HNRNPL: variants seen among roughly 807,000 people sequenced by gnomAD.
HNRNPL encodes the protein heterogeneous nuclear ribonucleoprotein L, also known as epididymis secretory sperm binding protein.
In HNRNPL, 12 loss-of-function variants were observed where a neutral mutation model predicts 64.0. The ratio of observed to expected loss-of-function variants is 0.19; its 90% confidence interval spans 0.12 to 0.30. HNRNPL has a LOEUF of 0.30. HNRNPL is among the 10% of genes least tolerant of loss of function. The probability of loss-of-function intolerance (pLI) is 1.00; values close to 1 mark genes in which losing one functional copy is unlikely to be tolerated. For synonymous variants in HNRNPL, 385 were observed against 313.0 expected, an observed-to-expected ratio of 1.23 and a Z score of -2.43; for missense variants, 484 against 797.4, an observed-to-expected ratio of 0.61 and a Z score of 4.73.
At chr19:38,850,235 G>A, upstream of HNRNPL, 3 of 385,286 alleles carry the variant, frequency 7.8e-6, no homozygotes, top group Non-Finnish European at 1.4e-5. Flanking sequence ...TTGATAGGTC[G>A]GATTTCTGGC....
At chr19:38,840,785 C>T in intron 6 of HNRNPL, 1 of 556,480 alleles carries the variant, frequency 1.8e-6, no homozygotes, top group East Asian at 3.2e-5. Flanking sequence ...AAGGGCTGGC[C>T]TTGTTCTGTG....
chr19:38,837,791 G>GCATC (rs1971978791), intron 10 of HNRNPL, 140 bp from the exon 11 acceptor site: 1 of 676,342 alleles, frequency 1.5e-6, no homozygotes, highest in Admixed American at 2.7e-5. Context: ...ATACCCTAAG[G>GCATC]CATCCCTGTG....
At chr19:38,840,020 C>CA in intron 8 of HNRNPL, 76 bp downstream of exon 8, 2 of 1,411,682 alleles carry the variant, frequency 1.4e-6, no homozygotes, top group Non-Finnish European at 2.0e-6. Flanking sequence ...ACCAGGCTCC[C>CA]CCCTGGTTCT....
intron 9 of HNRNPL, 118 bp downstream of exon 9, chr19:38,838,776 C>T: frequency 7.0e-7 from 1 of 1,428,018 alleles, no homozygotes. Flanking sequence ...ACACACCTGC[C>T]ACATCCCATT....
Position 38,845,741 on chromosome 19 carries a change from A to G in HNRNPL, c.625-6T>C. 1 of 1,613,482 alleles carries G rather than the reference A, an allele frequency of 6.2e-7. No homozygotes were observed. Among genetic ancestry groups the G allele is most frequent in the Non-Finnish European group, 8.5e-7 (1 of 1,179,362 alleles). On this transcript the variant is annotated splice_polypyrimidine_tract_variant and splice_region_variant and intron_variant, in intron 3 of 12. Transcript: ENST00000221419. Reference sequence around the variant, plus strand: ...CAGATAGTGTAAAGAACATCCTGCAAAAGCAAACACAGGCAAGATGAAGGG... The same window carrying G: ...CAGATAGTGTAAAGAACATCCTGCAGAAGCAAACACAGGCAAGATGAAGGG...
Position 38,849,786 on chromosome 19 carries a change from G to A in HNRNPL, c.181C>T (p.Leu61Phe), listed in dbSNP as rs781235992. The A allele has an allele frequency of 2.1e-6, 3 of 1,407,954 alleles. No homozygotes were observed. Among genetic ancestry groups the A allele is most frequent in the South Asian group, 1.3e-5 (1 of 77,700 alleles). 87.2% of individuals were successfully genotyped at this position (1,407,954 alleles called of 1,614,324 possible). A position where few individuals can be genotyped will look rare whatever the true frequency, so the allele number is the denominator to read the frequency against. ...TGGTCGCCGGCGTTGTCAGTCTTGA[G>A]CCGCTTAGGGGCCCGGCCGCCCTCA... ...GSEGGRAPKRLKTDNAGDQHG... is the reference protein window; with the variant it reads ...GSEGGRAPKRFKTDNAGDQHG... Residue 61 changes from leucine to phenylalanine, a missense_variant, in exon 1 of 13, where the codon CTC (leucine) becomes TTC (phenylalanine). Physicochemically the swap from Leu to Phe is conservative, Grantham distance 22 (BLOSUM62 0). This residue lies in a region of HNRNPL where 190 missense variants were observed against 160.1 expected (regional missense o/e 1.19). Transcript: ENST00000221419.
chr19:38,851,869 T>C (rs1600077189), upstream of HNRNPL, among the ~76,000 whole-genome samples: 1 of 151,166 alleles, frequency 6.6e-6, no homozygotes, highest in Admixed American at 6.6e-5. Flanking sequence ...CTCGGTCAGC[T>C]CCCCCGGACA....
In HNRNPL at chr19:38,839,204, A is replaced by T. The variant is rs896512302; in HGVS notation, c.1234-189T>A. On this transcript the variant is annotated intron_variant, in intron 8 of 12. Coordinates refer to ENST00000221419, the MANE Select transcript of HNRNPL (RefSeq NM_001533.3). ...CATAGTGAGAAGCAGAGCCTGGGCC[A>T]TGTTTTTAACTGTGGGACATAACCC... is the stretch of plus-strand genomic sequence containing the variant. 4.7e-6 allele frequency: 3 copies of T among 634,430 alleles called. No homozygotes were observed. The African/African-American group carries it at 5.5e-5, about 12-fold the overall frequency. The allele number at this position is 634,430 out of a possible 1,614,324, so 39.3% of individuals were successfully genotyped here.
chr19:38,839,227 C>T (rs1298724459), intron 8 of HNRNPL: 1 of 561,770 alleles, frequency 1.8e-6, no homozygotes, highest in Non-Finnish European at 3.2e-6. Flanking sequence ...TGGGACATAA[C>T]CCACCAGTAA....
chr19:38,841,931 C>G (rs970210288), intron 6 of HNRNPL: 6 of 351,686 alleles, frequency 1.7e-5, no homozygotes, highest in Non-Finnish European at 3.3e-5. Flanking sequence ...TGTAGCGCTC[C>G]GTGTGCGTGT....
chr19:38,850,544 AG>A (rs1388237230), upstream of HNRNPL, among the ~76,000 whole-genome samples: 1 of 152,160 alleles, frequency 6.6e-6, no homozygotes, highest in Non-Finnish European at 1.5e-5. Flanking sequence ...TGAAATGGGG[AG>A]CCCCGCCCCA....
chr19:38,836,877 T>C (rs1452811803), intron 12 of HNRNPL, 97 bp from the exon 13 acceptor site: 4 of 859,444 alleles, frequency 4.7e-6, no homozygotes, highest in Admixed American at 2.2e-5. Flanking sequence ...TTTCTGCAGG[T>C]CAACGGCAGG....
rs1972004547 is a variant in HNRNPL at position 38,838,545 on chromosome 19, C to T, written c.1409G>A (p.Gly470Glu). ...ACTGAAGTCTTTGTAACTGCAAGAC[C>T]CGTCTTCCAACCCGTATGACTGACC... ...MPGQSYGLEDGSCSYKDFSES... is the reference protein window; with the variant it reads ...MPGQSYGLEDESCSYKDFSES... Residue 470 changes from glycine to glutamate, a missense_variant, in exon 10 of 13, where the codon GGG (glycine) becomes GAG (glutamate). By Grantham distance (98) the Gly-to-Glu change is moderately conservative (BLOSUM62 -2). This residue lies in a region of HNRNPL where 53 missense variants were observed against 131.3 expected (regional missense o/e 0.40). Coordinates refer to ENST00000221419, the MANE Select transcript of HNRNPL (RefSeq NM_001533.3). The T allele has an allele frequency of 6.2e-7, 1 of 1,614,008 alleles. No homozygotes were observed. The highest frequency in any genetic ancestry group is 8.5e-7 in the Non-Finnish European group (1 of 1,180,012).
intron 10 of HNRNPL, among the ~76,000 whole-genome samples, chr19:38,837,990 G>A (rs1030905575): frequency 9.2e-5 from 14 of 152,236 alleles, no homozygotes; most frequent in African/African-American, 2.9e-4. Context: ...CCTCCCTTCC[G>A]CTGCCTCAGT....
Position 38,845,438 on chromosome 19 carries a change from C to A in HNRNPL, c.710+212G>T, listed in dbSNP as rs1600063903. On this transcript the variant is annotated intron_variant, in intron 4 of 12. Transcript: ENST00000221419. Reference sequence around the variant, plus strand: ...AAATAAATTCCTTTGTATCTCCCAACACACTGCTCTCTCCCCTAAGATCTG... The same window carrying A: ...AAATAAATTCCTTTGTATCTCCCAAAACACTGCTCTCTCCCCTAAGATCTG... 11 of 581,612 alleles carry A rather than the reference C, an allele frequency of 1.9e-5. No homozygotes were observed. In the East Asian group the frequency reaches 2.0e-4, roughly 10 times the overall value. The allele number at this position is 581,612 out of a possible 1,614,324, so 36.0% of individuals were successfully genotyped here.
At chr19:38,840,769 A>G in intron 6 of HNRNPL, 2 of 581,408 alleles carry the variant, frequency 3.4e-6, no homozygotes, top group Non-Finnish European at 6.0e-6. Flanking sequence ...TCCCCTGCTC[A>G]TACCAAAGGG....
intron 6 of HNRNPL, 69 bp from the exon 7 acceptor site, chr19:38,840,628 C>T: frequency 7.9e-7 from 1 of 1,258,734 alleles, no homozygotes; most frequent in Admixed American, 2.1e-5. Context: ...CCTGACTGCA[C>T]AGGCTGATCT....
intron 6 of HNRNPL, chr19:38,840,892 T>C (rs555377093): frequency 2.9e-6 from 1 of 341,800 alleles, no homozygotes; most frequent in East Asian, 6.8e-5. Context: ...CTACAGAAGC[T>C]GATATATTAT....
chr19:38,840,670 C>CGAGGAAGGGAGG, intron 6 of HNRNPL, 111 bp from the exon 7 acceptor site: 3 of 853,404 alleles, frequency 3.5e-6, no homozygotes, highest in South Asian at 1.5e-5. Context: ...TGCAAGCCCT[C>CGAGGAAGGGAGG]CCTTCCTCGA....
Sources: gnomAD v4.1 joint callset for allele counts (sites outside exome capture counted in the v4.1 genomes callset) on GRCh38, gnomAD v4.1.1 for gene constraint, gnomAD v4.1.1 regional missense constraint, MANE v1.5 for transcripts, NCBI Gene and HGNC (gene_info 2026-07-23, HGNC 2026-07-21) for gene names.